OCA2: variants seen among roughly 807,000 people sequenced by gnomAD.
OCA2 encodes OCA2 melanosomal transmembrane protein.
Under a neutral mutation model 100.2 loss-of-function variants are expected in OCA2, and 77 were observed. The observed-to-expected ratio is 0.77, with a 90% CI of 0.64 to 0.93. The LOEUF (loss-of-function observed/expected upper bound fraction) is 0.93. OCA2 is among the 40% of genes least tolerant of loss of function. The pLI is 0.00. For synonymous variants in OCA2, 432 were observed against 439.2 expected, an observed-to-expected ratio of 0.98 and a Z score of 0.21; for missense variants, 1,062 against 1,089.1, an observed-to-expected ratio of 0.98 and a Z score of 0.35.
intron 3 of OCA2, among the ~76,000 whole-genome samples, chr15:28,031,789 C>T (rs2042912969): frequency 6.6e-6 from 1 of 152,136 alleles, no homozygotes; most frequent in Non-Finnish European, 1.5e-5. Context: ...AGCTGAGAAA[C>T]CCCAGCCTGG....
Position 27,913,921 on chromosome 15 carries a change from AAGC to A in OCA2, c.2079+12203_2079+12205del, listed in dbSNP as rs1214718797. On this transcript the variant is annotated intron_variant, in intron 19 of 23. Coordinates refer to ENST00000354638, the MANE Select transcript of OCA2 (RefSeq NM_000275.3). ...CAAGCAAGCAAGCAAGCAAGCAAGC[AAGC>A]AAGCAAGAAAGAAAGAAAAAAATTT... is the stretch of plus-strand genomic sequence containing the variant. 9.3e-4 allele frequency among the ~76,000 whole-genome samples: 58 copies of A among 62,052 alleles called. 7 individuals are homozygous for A. Among genetic ancestry groups the A allele is most frequent in the African/African-American group, 4.4e-3 (56 of 12,596 alleles). The allele number at this position is 62,052 out of a possible 152,430, so 40.7% of individuals were successfully genotyped here.
chr15:27,890,210 A>C (rs189093199), intron 19 of OCA2, among the ~76,000 whole-genome samples: 3 of 152,348 alleles, frequency 2.0e-5, no homozygotes, highest in Admixed American at 2.0e-4. Flanking sequence ...GAACTGTAGA[A>C]CTATTTTTAA....
intron 14 of OCA2, among the ~76,000 whole-genome samples, chr15:27,976,386 CTA>C (rs1185753166): frequency 4.6e-5 from 7 of 152,168 alleles, no homozygotes; most frequent in African/African-American, 1.7e-4. Flanking sequence ...ATGATGCTAG[CTA>C]TAGATTCTCA....
chr15:27,971,326 C>A (rs115656097), intron 14 of OCA2, among the ~76,000 whole-genome samples: 1,589 of 152,208 alleles, frequency 0.01, 34 homozygotes, highest in African/African-American at 0.037. Flanking sequence ...GGCACGCTTC[C>A]CTCAAGAGAC....
At chr15:27,924,417 T>G (rs1038314329) in intron 19 of OCA2, among the ~76,000 whole-genome samples, 2 of 152,296 alleles carry the variant, frequency 1.3e-5, no homozygotes, top group African/African-American at 4.8e-5. Flanking sequence ...CATTTTTCTT[T>G]TTTCTCTTAA....
intron 23 of OCA2, among the ~76,000 whole-genome samples, chr15:27,835,836 A>T (rs2035128656): frequency 6.6e-6 from 1 of 152,002 alleles, no homozygotes; most frequent in African/African-American, 2.4e-5. Context: ...ATTCTCCCCT[A>T]GTGGTCTGCG....
chr15:27,994,541 C>T (rs1272280981), intron 9 of OCA2, among the ~76,000 whole-genome samples: 5 of 152,178 alleles, frequency 3.3e-5, no homozygotes, highest in Non-Finnish European at 1.5e-5. Flanking sequence ...ACCCAGCCAC[C>T]GTTCTATCAC....
chr15:27,814,883 TATAGATAGATAGATAGATAGATAG>T lies in OCA2; in HGVS notation c.2432+30052_2432+30075del, dbSNP rs201567846. Among the ~76,000 whole-genome samples the T allele has an allele frequency of 1.1e-4, 11 of 101,868 alleles. No homozygotes were observed. In the East Asian group the frequency reaches 1.5e-3, roughly 14 times the overall value. 66.8% of individuals were successfully genotyped at this position (101,868 alleles called of 152,430 possible). ...GGGCAACAGGGTGAGATTCTCTCTC[TATAGATAGATAGATAGATAGATAG>T]ATAGATAGATAGATAGATAGATAGA... On this transcript the variant is annotated intron_variant, in intron 23 of 23. Coordinates refer to ENST00000354638, the MANE Select transcript of OCA2 (RefSeq NM_000275.3).
At chr15:28,054,372 C>T (rs920532151) in intron 2 of OCA2, among the ~76,000 whole-genome samples, 1 of 152,178 alleles carries the variant, frequency 6.6e-6, no homozygotes, top group Non-Finnish European at 1.5e-5. Context: ...CATGTGCGTG[C>T]TGGTCCTCTG....
chr15:27,809,258 G>T (rs924357562), intron 23 of OCA2, among the ~76,000 whole-genome samples: 2 of 152,080 alleles, frequency 1.3e-5, no homozygotes, highest in Admixed American at 1.3e-4. Context: ...CTCTTTTATT[G>T]CTTCCCATTT....
intron 19 of OCA2, among the ~76,000 whole-genome samples, chr15:27,891,754 T>A (rs1047144628): frequency 3.3e-5 from 5 of 152,170 alleles, no homozygotes; most frequent in African/African-American, 1.2e-4. Context: ...CAACTTTAAT[T>A]GAAATGGCAT....
intron 10 of OCA2, among the ~76,000 whole-genome samples, 192 bp from the exon 11 acceptor site, chr15:27,989,858 G>A (rs2041491431): frequency 6.6e-6 from 1 of 152,162 alleles, no homozygotes; most frequent in African/African-American, 2.4e-5. Context: ...CATCTATAAT[G>A]TCAAATCTAT....
At chr15:27,871,401 G>T in intron 20 of OCA2, 143 bp from the exon 21 acceptor site, 1 of 709,344 alleles carries the variant, frequency 1.4e-6, no homozygotes, top group Non-Finnish European at 2.5e-6. Flanking sequence ...AGGTGTGCAA[G>T]CCAGGGCCAC....
At chr15:27,866,168 A>C (rs2036315200) in intron 21 of OCA2, among the ~76,000 whole-genome samples, 1 of 152,172 alleles carries the variant, frequency 6.6e-6, no homozygotes, top group Admixed American at 6.5e-5. Flanking sequence ...ACCAGCTCCC[A>C]CCCAGGCAAT....
chr15:27,843,773 AGT>A (rs1349143082), intron 23 of OCA2, among the ~76,000 whole-genome samples: 2 of 152,136 alleles, frequency 1.3e-5, no homozygotes, highest in African/African-American at 4.8e-5. Flanking sequence ...CCAACGTGCT[AGT>A]GTTCAAAGAG....
intron 2 of OCA2, among the ~76,000 whole-genome samples, chr15:28,055,755 T>C (rs2043673656): frequency 6.6e-6 from 1 of 152,078 alleles, no homozygotes; most frequent in Non-Finnish European, 1.5e-5. Flanking sequence ...GAGGGCCACC[T>C]CCCCTCAGGG....
At chr15:27,924,912 CAAACAGT>C (rs1411916546) in intron 19 of OCA2, among the ~76,000 whole-genome samples, 1 of 151,970 alleles carries the variant, frequency 6.6e-6, no homozygotes, top group East Asian at 1.9e-4. Flanking sequence ...ATAAGTCATG[CAAACAGT>C]AAACAAAAGT....
At chr15:27,919,885 G>T (rs943164976) in intron 19 of OCA2, among the ~76,000 whole-genome samples, 1 of 152,136 alleles carries the variant, frequency 6.6e-6, no homozygotes, top group Non-Finnish European at 1.5e-5. Context: ...GGGGGTTGGA[G>T]TATATGGAAA....
chr15:28,073,699 A>G (rs2044336091), intron 2 of OCA2, among the ~76,000 whole-genome samples: 1 of 152,214 alleles, frequency 6.6e-6, no homozygotes, highest in Non-Finnish European at 1.5e-5. Context: ...CCTCAACATC[A>G]CATAATATTC....
Sources: gnomAD v4.1 joint callset for allele counts (sites outside exome capture counted in the v4.1 genomes callset) on GRCh38, gnomAD v4.1.1 for gene constraint, MANE v1.5 for transcripts, NCBI Gene and HGNC (gene_info 2026-07-23, HGNC 2026-07-21) for gene names.